TRANK1: variants seen among roughly 807,000 people sequenced by gnomAD.
TRANK1 encodes the protein TPR and ankyrin repeat-containing protein 1.
TRANK1 carries 198 observed loss-of-function variants against 266.0 expected under a neutral mutation model. The ratio of observed to expected loss-of-function variants is 0.74; its 90% CI spans 0.66 to 0.84. TRANK1 has a LOEUF of 0.84. Among genes scored for constraint, TRANK1 ranks in the 40% least tolerant of loss-of-function variants. TRANK1 has a pLI of 0.00. For synonymous variants in TRANK1, 1,396 were observed against 1,384.1 expected, an observed-to-expected ratio of 1.01 and a Z score of -0.19; for missense variants, 3,326 against 3,634.6, an observed-to-expected ratio of 0.92 and a Z score of 2.18.
chr3:36,894,296 G>A (rs1347922400), intron 5 of TRANK1, among the ~76,000 whole-genome samples: 1 of 152,216 alleles, frequency 6.6e-6, no homozygotes, highest in Admixed American at 6.5e-5. Context: ...CTTTCCCTGA[G>A]TGCAGTAAAT....
intron 8 of TRANK1, among the ~76,000 whole-genome samples, chr3:36,882,018 T>C (rs2079539411): frequency 6.6e-6 from 1 of 152,234 alleles, no homozygotes; most frequent in Non-Finnish European, 1.5e-5. Flanking sequence ...GTTTCCACTT[T>C]TCTGGCTATT....
chr3:36,891,837 G>A (rs766273858), intron 7 of TRANK1, among the ~76,000 whole-genome samples: 1 of 152,146 alleles, frequency 6.6e-6, no homozygotes, highest in Non-Finnish European at 1.5e-5. Context: ...AATGAACCGA[G>A]AGAAATAGAC....
At position 36,850,786 on chromosome 3, in the gene TRANK1, A is replaced by T. The variant is rs932553501; in HGVS notation, c.4887+933T>A. The T allele has an allele frequency of 2.0e-5, 20 of 985,268 alleles. No individual in the cohort carries two copies. The African/African-American group carries it at 3.3e-4, about 16-fold the overall frequency. 61.0% of individuals were successfully genotyped at this position (985,268 alleles called of 1,614,324 possible). On this transcript the variant is annotated intron_variant, in intron 15 of 23. Coordinates refer to ENST00000645898, the MANE Select transcript of TRANK1 (RefSeq NM_001329998.2). ...TAACATTTAAAAAATGATAAGAAAA[A>T]AAGGAAGGACTCTATCTAAAGGGTC...
intron 16 of TRANK1, 35 bp downstream of exon 16, chr3:36,847,165 T>A: frequency 6.3e-7 from 1 of 1,588,844 alleles, no homozygotes; most frequent in Non-Finnish European, 8.6e-7. Context: ...TACTTCCATG[T>A]CAAGTACATG....
chr3:36,857,478 A>G lies in TRANK1; in HGVS notation c.2244T>C (p.Ser748=), dbSNP rs778654648. Residue 748 remains serine, a synonymous_variant, in exon 13 of 24, where the codon TCT becomes TCC. Transcript: ENST00000645898. This position sits in a 1 kb window ranked among gnomAD's most constrained non-coding sequence, Gnocchi z 4.3. ...AGCTCTGAAGACAGTCCTCTGGGAAAGACGGATCCACTTCAACCTGCTGAA... is the reference window on the plus strand; with the variant it reads ...AGCTCTGAAGACAGTCCTCTGGGAAGGACGGATCCACTTCAACCTGCTGAA... ...VLIQQVEVDP[S]FPEDCLQSSE... 6.2e-7 allele frequency: 1 copy of G among 1,613,986 alleles called. No individual in the cohort carries two copies. The highest frequency in any genetic ancestry group is 1.1e-5 in the South Asian group (1 of 91,088).
intron 2 of TRANK1, among the ~76,000 whole-genome samples, chr3:36,908,110 T>C (rs1028915172): frequency 7.9e-5 from 12 of 152,260 alleles, no homozygotes; most frequent in South Asian, 2.1e-4. Flanking sequence ...AGTTTTGTTA[T>C]GTTTATCAAC....
intron 21 of TRANK1, 65 bp downstream of exon 21, chr3:36,834,697 G>A: frequency 6.4e-7 from 1 of 1,552,960 alleles, no homozygotes; most frequent in Non-Finnish European, 8.7e-7. Context: ...ACCACCCAGA[G>A]CAGGCTGCCC....
intron 11 of TRANK1, among the ~76,000 whole-genome samples, chr3:36,859,240 G>A (rs945338331): frequency 6.6e-6 from 1 of 151,364 alleles, no homozygotes; most frequent in Non-Finnish European, 1.5e-5. Context: ...GACACAGTCA[G>A]TGTGAGGACA....
chr3:36,831,610 G>A lies in TRANK1; in HGVS notation c.7973C>T (p.Ser2658Phe), dbSNP rs929718498. The change falls in exon 22 of 24, where the codon TCC (serine) becomes TTC (phenylalanine). Residue 2658 changes from serine to phenylalanine, a missense_variant. By Grantham distance (155) the Ser-to-Phe change is radical. Coordinates refer to ENST00000645898, the MANE Select transcript of TRANK1 (RefSeq NM_001329998.2). This position sits in a 1 kb window ranked among gnomAD's most constrained non-coding sequence, Gnocchi z 5.0. ...CTCATAATAGAGGCCACGGACTATGGACCCTTTGGTGTGCACAGGGTCCCA... is the reference window on the plus strand; with the variant it reads ...CTCATAATAGAGGCCACGGACTATGAACCCTTTGGTGTGCACAGGGTCCCA... ...WRWDPVHTKG[S>F]IVRGLYYEEV... 3.7e-6 allele frequency: 6 copies of A among 1,613,776 alleles called. No homozygotes were observed. The highest frequency in any genetic ancestry group is 5.1e-6 in the Non-Finnish European group (6 of 1,179,858).
intron 1 of TRANK1, among the ~76,000 whole-genome samples, chr3:36,932,032 A>C (rs915890041): frequency 6.6e-6 from 1 of 152,250 alleles, no homozygotes; most frequent in Non-Finnish European, 1.5e-5. Context: ...ATATTGTTAG[A>C]TTCTTGAATT....
chr3:36,859,648 G>T (rs151078585), intron 11 of TRANK1, among the ~76,000 whole-genome samples: 242 of 152,230 alleles, frequency 1.6e-3, no homozygotes, highest in African/African-American at 5.7e-3. Flanking sequence ...TCCACCAGAA[G>T]GCAGACCCAC....
chr3:36,886,129 G>GTTTTTTTTTT (rs10563870), intron 8 of TRANK1, among the ~76,000 whole-genome samples: 3 of 100,976 alleles, frequency 3.0e-5, no homozygotes, highest in Non-Finnish European at 6.0e-5. Context: ...TGTTGTTGTT[G>GTTTTTTTTTT]TTTTTTTTTT....
intron 8 of TRANK1, among the ~76,000 whole-genome samples, chr3:36,888,383 T>C (rs2079637898): frequency 6.6e-6 from 1 of 152,186 alleles, no homozygotes; most frequent in Non-Finnish European, 1.5e-5. Flanking sequence ...CTTTTTAGGA[T>C]AAAAATGTTC....
At position 36,880,011 on chromosome 3, in the gene TRANK1, TAAACATGC is replaced by T. The variant is rs1193781300; in HGVS notation, c.908-5723_908-5716del. 2.6e-3 allele frequency among the ~76,000 whole-genome samples: 122 copies of T among 47,080 alleles called. 40 individuals carry two copies. The highest frequency in any genetic ancestry group is 3.4e-3 in the Admixed American group (11 of 3,246). 30.9% of individuals were successfully genotyped at this position (47,080 alleles called of 152,430 possible). On this transcript the variant is annotated intron_variant, in intron 8 of 23. Coordinates refer to ENST00000645898, the MANE Select transcript of TRANK1 (RefSeq NM_001329998.2). ...ATATATGTAAACATGCAAATATATG[TAAACATGC>T]AAATATATGTAAACATGCAAATATA...
chr3:36,944,958 C>T lies in TRANK1; in HGVS notation c.-149G>A, dbSNP rs2080552873. ...ATGCAGAGGCGGCGTTCGGGGGCCC[C>T]CAGCTGCCTGCGGCTCGGCTACCCA... On this transcript the variant is annotated 5_prime_UTR_variant, in exon 1 of 24. Transcript: ENST00000645898. 2 of 746,026 alleles carry T rather than the reference C, an allele frequency of 2.7e-6. No individual in the cohort carries two copies. Among genetic ancestry groups the T allele is most frequent in the Non-Finnish European group, 1.9e-6 (1 of 516,890 alleles). The allele number at this position is 746,026 out of a possible 1,614,324, so 46.2% of individuals were successfully genotyped here.
intron 15 of TRANK1, chr3:36,850,274 T>A (rs774317273): frequency 4.1e-6 from 4 of 985,438 alleles, no homozygotes; most frequent in Non-Finnish European, 4.8e-6. Context: ...CTGATTTTAT[T>A]AGCAAAATTT....
At chr3:36,907,396 C>T (rs932621850) in intron 2 of TRANK1, among the ~76,000 whole-genome samples, 42 of 151,626 alleles carry the variant, frequency 2.8e-4, no homozygotes, top group African/African-American at 1.0e-3. Context: ...GTGATCTGAC[C>T]GCCTCGGCCT....
In TRANK1 at chr3:36,856,545, G is replaced by A. The variant is rs62245253; in HGVS notation, c.3177C>T (p.Tyr1059=). ...EYPFRVGELE[Y]AVIDLNPRPL... ...GCCTGGGATTGAGGTCGATCACCGC[G>A]TACTCAAGCTCACCCACCCGGAAGG... Residue 1059 remains tyrosine, a synonymous_variant, in exon 13 of 24, where the codon TAC becomes TAT. Transcript: ENST00000645898. 103,799 of 1,613,920 alleles carry A rather than the reference G, an allele frequency of 0.064. 3,891 individuals are homozygous for A. Among genetic ancestry groups the A allele is most frequent in the Non-Finnish European group, 0.074 (87,847 of 1,179,880 alleles).
intron 1 of TRANK1, among the ~76,000 whole-genome samples, chr3:36,943,133 A>T (rs1267060335): frequency 6.6e-6 from 1 of 151,658 alleles, no homozygotes; most frequent in Non-Finnish European, 1.5e-5. Flanking sequence ...CGGAGGCTGC[A>T]GTGAGCCGAG....
Sources: gnomAD v4.1 joint callset for allele counts (sites outside exome capture counted in the v4.1 genomes callset) on GRCh38, gnomAD v4.1.1 for gene constraint, Gnocchi (gnomAD v3.1) non-coding constraint, MANE v1.5 for transcripts, NCBI Gene and HGNC (gene_info 2026-07-23, HGNC 2026-07-21) for gene names.